MEP1B: variants seen among roughly 807,000 people sequenced by gnomAD.
MEP1B encodes the protein meprin A subunit beta.
A neutral mutation model predicts 84.6 loss-of-function variants in MEP1B; 80 were observed. The ratio of observed to expected loss-of-function variants is 0.95; its 90% confidence interval spans 0.79 to 1.14. The LOEUF (loss-of-function observed/expected upper bound fraction) is 1.14. Among genes scored for constraint, MEP1B ranks in the 50% most tolerant of loss-of-function variants. The pLI is 0.00. For synonymous variants in MEP1B, 273 were observed against 288.1 expected (o/e 0.95, Z 0.53); for missense variants, 766 against 855.1 (o/e 0.90, Z 1.30).
Position 32,217,821 on chromosome 18 carries a change from C to A in MEP1B, c.1947C>A (p.Thr649=). 1 of 1,613,860 alleles carries A rather than the reference C, an allele frequency of 6.2e-7. No homozygotes were observed. Among genetic ancestry groups the A allele is most frequent in the Admixed American group, 1.7e-5 (1 of 60,002 alleles). The stretch of plus-strand genomic sequence containing the variant: ...AAAGGTGTGAAAAGAGAGGCTCCAC[C>A]CGAGACACCATAGTCATTGCTGTTT... ...MGERCEKRGS[T]RDTIVIAVSS... The change falls in exon 14 of 15, where the codon ACC becomes ACA. Residue 649 remains threonine, a synonymous_variant. Transcript: ENST00000269202.
chr18:32,216,866 T>TC, intron 12 of MEP1B, 125 bp from the exon 13 acceptor site: 1 of 1,117,476 alleles, frequency 8.9e-7, no homozygotes, highest in Non-Finnish European at 1.2e-6. Flanking sequence ...AGATCTCACC[T>TC]CTAAAAAAAA....
At position 32,195,480 on chromosome 18, in the gene MEP1B, G is replaced by C; in HGVS notation, c.245G>C (p.Ser82Thr). 6.3e-7 allele frequency: 1 copy of C among 1,599,136 alleles called. No homozygotes were observed. The highest frequency in any genetic ancestry group is 2.2e-5 in the East Asian group (1 of 44,764). Reference sequence around the variant, plus strand: ...ACCATTCCATATGTTCTAGAAGATAGCTTGGGTTAGTATGCACCTTGAAGT... The same window carrying C: ...ACCATTCCATATGTTCTAGAAGATACCTTGGGTTAGTATGCACCTTGAAGT... ...PHTIPYVLED[S>T]LEMNAKGVIL... Residue 82 changes from serine (S) to threonine (T), a missense_variant, in exon 5 of 15, where the codon AGC becomes ACC. Ser to Thr is a moderately conservative substitution (Grantham distance 58, BLOSUM62 1). Coordinates refer to ENST00000269202, the MANE Select transcript of MEP1B (RefSeq NM_005925.3).
Position 32,210,546 on chromosome 18 carries a change from G to C in MEP1B, c.965G>C (p.Gly322Ala). Reference protein sequence around the residue: ...MHFDSSSVNVGATAVLESRTL... With the variant: ...MHFDSSSVNVAATAVLESRTL... ...TTCGATAGCAGCTCTGTAAATGTGGGGGCCACAGCAGTGCTGGAAAGTAGA... is the reference window on the plus strand; with the variant it reads ...TTCGATAGCAGCTCTGTAAATGTGGCGGCCACAGCAGTGCTGGAAAGTAGA... The change falls in exon 10 of 15, where the codon GGG (glycine) becomes GCG (alanine). Residue 322 changes from glycine to alanine, a missense_variant. Physicochemically the swap from Gly to Ala is moderately conservative, Grantham distance 60 (BLOSUM62 0). Coordinates refer to ENST00000269202, the MANE Select transcript of MEP1B (RefSeq NM_005925.3). The C allele has an allele frequency of 6.2e-7, 1 of 1,613,940 alleles. No individual in the cohort carries two copies. Among genetic ancestry groups the C allele is most frequent in the Non-Finnish European group, 8.5e-7 (1 of 1,179,890 alleles).
intron 5 of MEP1B, among the ~76,000 whole-genome samples, chr18:32,200,428 T>C (rs2040900545): frequency 6.6e-6 from 1 of 152,208 alleles, no homozygotes; most frequent in African/African-American, 2.4e-5. Flanking sequence ...TGATTATTTC[T>C]TATTTAGAAA....
At chr18:32,206,693 C>T (rs2040968492) in intron 7 of MEP1B, among the ~76,000 whole-genome samples, 1 of 152,076 alleles carries the variant, frequency 6.6e-6, no homozygotes, top group Non-Finnish European at 1.5e-5. Flanking sequence ...CTCACTGCAA[C>T]CTCCGCCTCC....
Position 32,203,029 on chromosome 18 carries a change from CTTCTA to C in MEP1B, c.368+20_368+24del, listed in dbSNP as rs2040928377. 13 of 1,429,584 alleles carry C rather than the reference CTTCTA, an allele frequency of 9.1e-6. No homozygotes were observed. Among genetic ancestry groups the C allele is most frequent in the Non-Finnish European group, 1.2e-5 (12 of 1,020,204 alleles). 88.6% of individuals were successfully genotyped at this position (1,429,584 alleles called of 1,614,324 possible). ...GCAGTGGGTAAGTTGCAGACTTAGT[CTTCTA>C]AGGCATCTAAGGAGAACTCTAGTGC... On this transcript the variant is annotated intron_variant, in intron 6 of 14. Transcript: ENST00000269202.
intron 9 of MEP1B, 80 bp downstream of exon 9, chr18:32,208,351 T>C: frequency 7.6e-7 from 1 of 1,316,266 alleles, no homozygotes; most frequent in South Asian, 1.8e-5. Flanking sequence ...TGGGATTTTA[T>C]CTCTAATTTC....
rs780319713 is a variant in MEP1B, at chr18:32,220,285, A to G, written c.*40A>G. ...ATATGGCCAGCTAATGAAATTAAAA[A>G]GGATTCTTCATCATGGATTTCGCCT... On this transcript the variant is annotated 3_prime_UTR_variant, in exon 15 of 15. Coordinates refer to ENST00000269202, the MANE Select transcript of MEP1B (RefSeq NM_005925.3). 6.3e-7 allele frequency: 1 copy of G among 1,593,320 alleles called. No homozygotes were observed. The highest frequency in any genetic ancestry group is 1.1e-5 in the South Asian group (1 of 88,534).
At chr18:32,213,014 C>T (rs2041043494) in intron 10 of MEP1B, 102 bp from the exon 11 acceptor site, 5 of 1,040,722 alleles carry the variant, frequency 4.8e-6, no homozygotes, top group African/African-American at 1.6e-5. Flanking sequence ...AGAAATAAAT[C>T]GGTTTTGGAT....
intron 10 of MEP1B, among the ~76,000 whole-genome samples, chr18:32,212,386 T>A (rs575480725): frequency 4.9e-4 from 74 of 152,208 alleles, no homozygotes; most frequent in Non-Finnish European, 8.8e-4. Flanking sequence ...ATTCCTCAGC[T>A]GTTGTTCATC....
intron 13 of MEP1B, among the ~76,000 whole-genome samples, chr18:32,217,528 C>T (rs2041104329): frequency 1.3e-5 from 2 of 152,102 alleles, no homozygotes; most frequent in African/African-American, 2.4e-5. Context: ...CCTTTCCTAA[C>T]TTGGAGATAC....
In MEP1B at chr18:32,191,839, T is replaced by C; in HGVS notation, c.81T>C (p.Phe27=). The C allele has an allele frequency of 6.5e-7, 1 of 1,536,124 alleles. No individual in the cohort carries two copies. The highest frequency in any genetic ancestry group is 1.4e-5 in the African/African-American group (1 of 73,472). The part of the protein sequence containing the change: ...VISGLATPEN[F]DVDGGMDQDI... Reference sequence around the variant, plus strand: ...TTTCCCAGGCAACTCCAGAAAACTTTGGTGAGTCTATTTTGAGTTTTGTTC... The same window carrying C: ...TTTCCCAGGCAACTCCAGAAAACTTCGGTGAGTCTATTTTGAGTTTTGTTC... The change falls in exon 2 of 15, where the codon TTT becomes TTC. Residue 27 remains phenylalanine (F), a splice_region_variant and synonymous_variant. Coordinates refer to ENST00000269202, the MANE Select transcript of MEP1B (RefSeq NM_005925.3).
chr18:32,192,506 A>G (rs2040811630), intron 2 of MEP1B, 140 bp from the exon 3 acceptor site: 1 of 738,182 alleles, frequency 1.4e-6, no homozygotes, highest in South Asian at 1.7e-5. Context: ...CAATCAATCA[A>G]TCAATGTATG....
At chr18:32,201,360 AC>A (rs1218901205) in intron 5 of MEP1B, among the ~76,000 whole-genome samples, 1 of 151,636 alleles carries the variant, frequency 6.6e-6, no homozygotes, top group Non-Finnish European at 1.5e-5. Flanking sequence ...GTGTTCATAG[AC>A]CTTCCCATCT....
chr18:32,209,501 AAT>A (rs200645307), intron 9 of MEP1B, among the ~76,000 whole-genome samples: 1,710 of 151,816 alleles, frequency 0.011, 34 homozygotes, highest in African/African-American at 0.039. Flanking sequence ...AAAAAAAAAA[AAT>A]GAAAGAAAAT....
chr18:32,219,314 T>C (rs2041125836), intron 14 of MEP1B, among the ~76,000 whole-genome samples: 2 of 152,208 alleles, frequency 1.3e-5, no homozygotes. Flanking sequence ...ATCAGGAAGA[T>C]GTTTAATGCT....
chr18:32,217,293 A>G (rs958247335), intron 13 of MEP1B, among the ~76,000 whole-genome samples, 176 bp downstream of exon 13: 2 of 152,114 alleles, frequency 1.3e-5, no homozygotes, highest in Admixed American at 1.3e-4. Context: ...CTCAAGAACT[A>G]TCTTTGTGAT....
chr18:32,197,370 T>C (rs1221408044), intron 5 of MEP1B, among the ~76,000 whole-genome samples: 1 of 151,544 alleles, frequency 6.6e-6, no homozygotes, highest in Non-Finnish European at 1.5e-5. Context: ...AACCCTGCTA[T>C]AGTTTTTTAA....
rs1333096766 is a variant in MEP1B, at chr18:32,193,889, A to G, written c.171+1072A>G. 2.6e-5 allele frequency among the ~76,000 whole-genome samples: 4 copies of G among 152,138 alleles called. No individual in the cohort carries two copies. In the East Asian group the frequency reaches 7.7e-4, roughly 29 times the overall value. ...TGTCATCTCCATGCCAATGAATCCA[A>G]AGGCATATCTCTGGTCCTCTCCTTT... On this transcript the variant is annotated intron_variant, in intron 4 of 14. Transcript: ENST00000269202.
Sources: gnomAD v4.1 joint callset for allele counts (sites outside exome capture counted in the v4.1 genomes callset) on GRCh38, gnomAD v4.1.1 for gene constraint, MANE v1.5 for transcripts, NCBI Gene and HGNC (gene_info 2026-07-23, HGNC 2026-07-21) for gene names.